FER: variants seen among roughly 807,000 people sequenced by gnomAD.
The protein encoded by FER is FER tyrosine kinase, also known as tyrosine-protein kinase Fer.
In FER, 63 loss-of-function variants were observed where a neutral mutation model predicts 111.0. The observed-to-expected ratio is 0.57, with a 90% CI of 0.46 to 0.70. The LOEUF (loss-of-function observed/expected upper bound fraction) is 0.70, where lower values mean the gene tolerates loss of function less well. Among genes scored for constraint, FER ranks in the 30% least tolerant of loss-of-function variants. The pLI, the probability that FER is intolerant of heterozygous loss-of-function variation, is 0.00. For missense variants in FER, 914 were observed against 954.0 expected (o/e 0.96, Z 0.55); for synonymous variants, 327 against 313.9 (o/e 1.04, Z -0.44).
At chr5:109,119,103 G>T (rs952527069) in intron 17 of FER, among the ~76,000 whole-genome samples, 1 of 151,792 alleles carries the variant, frequency 6.6e-6, no homozygotes, top group African/African-American at 2.4e-5. Context: ...GTGATGTTAG[G>T]GTGTCAATTT....
At chr5:109,055,412 A>G (rs1308811231) in intron 16 of FER, among the ~76,000 whole-genome samples, 1 of 152,206 alleles carries the variant, frequency 6.6e-6, no homozygotes, top group African/African-American at 2.4e-5. Flanking sequence ...CAAATCATAT[A>G]CCTGATAAGG....
chr5:108,949,854 G>A (rs1280033073), intron 11 of FER, among the ~76,000 whole-genome samples: 2 of 141,572 alleles, frequency 1.4e-5, no homozygotes, highest in East Asian at 3.9e-4. Flanking sequence ...AAGAATATTT[G>A]ATACTGAATA....
At chr5:109,157,356 G>T (rs1185480459) in intron 17 of FER, among the ~76,000 whole-genome samples, 1 of 149,292 alleles carries the variant, frequency 6.7e-6, no homozygotes, top group Admixed American at 7.6e-5. Context: ...GATCAGTAAT[G>T]GGGGAGGCTG....
intron 6 of FER, among the ~76,000 whole-genome samples, chr5:108,868,462 A>G (rs7725263): frequency 0.12 from 17,510 of 152,124 alleles, 1,581 homozygotes; most frequent in African/African-American, 0.25. Flanking sequence ...ATCTAACAGT[A>G]TACTTTAATT....
chr5:109,023,469 T>C (rs1178183712), intron 13 of FER, among the ~76,000 whole-genome samples: 1 of 152,102 alleles, frequency 6.6e-6, no homozygotes. Context: ...ACTCTCCTTT[T>C]GTTTTGTGAA....
At chr5:109,159,548 A>G (rs558846580) in intron 17 of FER, among the ~76,000 whole-genome samples, 1 of 152,348 alleles carries the variant, frequency 6.6e-6, no homozygotes, top group Non-Finnish European at 1.5e-5. Context: ...CAAGAAAAAT[A>G]TAAAATAGAT....
At chr5:108,958,891 A>G (rs865884740) in intron 12 of FER, among the ~76,000 whole-genome samples, 50 of 151,828 alleles carry the variant, frequency 3.3e-4, no homozygotes, top group African/African-American at 1.2e-3. Flanking sequence ...GGTGTATCCC[A>G]TGCTTTGTTT....
intron 3 of FER, among the ~76,000 whole-genome samples, chr5:108,828,420 T>G (rs1280882576): frequency 6.6e-6 from 1 of 152,216 alleles, no homozygotes; most frequent in Non-Finnish European, 1.5e-5. Flanking sequence ...TACTAACACT[T>G]CTTTCCGTCA....
At chr5:108,930,065 A>G (rs1581245263) in intron 10 of FER, among the ~76,000 whole-genome samples, 3 of 152,122 alleles carry the variant, frequency 2.0e-5, no homozygotes, top group African/African-American at 7.2e-5. Context: ...CCTCAAGATA[A>G]TTTATGGATA....
intron 4 of FER, 100 bp downstream of exon 4, chr5:108,833,043 C>G: frequency 9.6e-7 from 1 of 1,039,722 alleles, no homozygotes; most frequent in Non-Finnish European, 1.4e-6. Context: ...TTCATCATTT[C>G]CCAACAAGAA....
intron 3 of FER, among the ~76,000 whole-genome samples, chr5:108,809,128 A>G (rs918896199): frequency 6.6e-6 from 1 of 152,178 alleles, no homozygotes; most frequent in African/African-American, 2.4e-5. Context: ...GTATGTGGAT[A>G]TCTACCTCTC....
intron 3 of FER, among the ~76,000 whole-genome samples, chr5:108,799,639 A>G (rs1359950925): frequency 6.6e-6 from 1 of 152,216 alleles, no homozygotes; most frequent in African/African-American, 2.4e-5. Context: ...TGAAATTCAA[A>G]TTTAACTGGA....
chr5:109,190,046 T>G lies in FER; in HGVS notation c.*2471T>G, dbSNP rs1464713914. 1 of 152,324 alleles carries G rather than the reference T, an allele frequency of 6.6e-6. No homozygotes were observed. Among genetic ancestry groups the G allele is most frequent in the Non-Finnish European group, 1.5e-5 (1 of 68,012 alleles). 9.4% of individuals were successfully genotyped at this position (152,324 alleles called of 1,614,324 possible). ...GTCATATAGAATATTAAATTTAATA[T>G]AGTCACATGCATTAAGAAAAACTTA... On this transcript the variant is annotated 3_prime_UTR_variant, in exon 20 of 20. Transcript: ENST00000281092.
chr5:109,056,486 A>C lies in FER; in HGVS notation c.1924+9288A>C, dbSNP rs552350521. ...AGCCAGACACAGAAATGAAAATATT[A>C]CATATTATATATGGAATCTTAAAAA... On this transcript the variant is annotated intron_variant, in intron 16 of 19. Coordinates refer to ENST00000281092, the MANE Select transcript of FER (RefSeq NM_005246.4). 1.1e-4 allele frequency among the ~76,000 whole-genome samples: 17 copies of C among 152,236 alleles called. No homozygotes were observed. The South Asian group carries it at 3.1e-3, about 28-fold the overall frequency.
chr5:108,897,622 A>C (rs1749341671), intron 9 of FER, 37 bp from the exon 10 acceptor site: 1 of 1,420,326 alleles, frequency 7.0e-7, no homozygotes, highest in Admixed American at 2.6e-5. Context: ...ATGTCTTCTT[A>C]ATGAAGTTGA....
At position 109,105,230 on chromosome 5, in the gene FER, T is replaced by TTGTGTGTG. The variant is rs72106747; in HGVS notation, c.2048+4753_2048+4760dup. On this transcript the variant is annotated intron_variant, in intron 17 of 19. Transcript: ENST00000281092. ...GTAAGATACTGCTTCCAGCTTATATTTGTGTGTGTGTGTGTGTGTGTGTGT... is the reference window on the plus strand; with the variant it reads ...GTAAGATACTGCTTCCAGCTTATATTTGTGTGTGTGTGTGTGTGTGTGTGTGTGTGTGT... 2.1e-3 allele frequency among the ~76,000 whole-genome samples: 293 copies of TTGTGTGTG among 138,636 alleles called. 2 individuals carry two copies. The highest frequency in any genetic ancestry group is 6.4e-3 in the African/African-American group (239 of 37,264). 91.0% of individuals were successfully genotyped at this position (138,636 alleles called of 152,430 possible).
chr5:109,116,489 G>A (rs1317235293), intron 17 of FER, among the ~76,000 whole-genome samples: 1 of 151,148 alleles, frequency 6.6e-6, no homozygotes, highest in African/African-American at 2.4e-5. Flanking sequence ...CTGTTTGAAA[G>A]TATATTTTGA....
chr5:109,170,786 G>C (rs1038777535), intron 17 of FER, among the ~76,000 whole-genome samples: 1 of 152,164 alleles, frequency 6.6e-6, no homozygotes, highest in South Asian at 2.1e-4. Flanking sequence ...AGTGTGACTT[G>C]CATTCATTAG....
chr5:109,013,542 G>A (rs200350803), intron 13 of FER, among the ~76,000 whole-genome samples: 8,286 of 148,890 alleles, frequency 0.056, 344 homozygotes, highest in South Asian at 0.11. Context: ...ATAAACATAC[G>A]TGTGCATGTG....
Sources: allele counts gnomAD v4.1 joint callset (sites outside exome capture counted in the v4.1 genomes callset), GRCh38; gene constraint gnomAD v4.1.1; transcripts MANE v1.5; gene names NCBI Gene and HGNC (gene_info 2026-07-23, HGNC 2026-07-21).